The following MAGI1 variants were observed in gnomAD, a reference collection of about 807,000 sequenced individuals.
MAGI1 encodes the protein membrane associated guanylate kinase, WW and PDZ domain containing 1.
MAGI1 carries 58 observed loss-of-function variants against 139.9 expected under a neutral mutation model. The observed-to-expected ratio is 0.41, with a 90% CI of 0.34 to 0.52. The LOEUF (loss-of-function observed/expected upper bound fraction) is 0.52, where lower values mean the gene tolerates loss of function less well. MAGI1 is among the 20% of genes least tolerant of loss of function. The pLI is 0.12. For synonymous variants in MAGI1, 812 were observed against 737.9 expected (o/e 1.10, Z -1.63); for missense variants, 1,874 against 1,901.6 (o/e 0.99, Z 0.27).
chr3:65,595,437 G>A (rs1245638288), intron 2 of MAGI1, among the ~76,000 whole-genome samples: 1 of 152,174 alleles, frequency 6.6e-6, no homozygotes. Flanking sequence ...ACTCAGGGTT[G>A]GTAGTTCCAG....
At chr3:65,845,348 A>C (rs140093671) in intron 1 of MAGI1, among the ~76,000 whole-genome samples, 385 of 152,222 alleles carry the variant, frequency 2.5e-3, no homozygotes, top group African/African-American at 8.8e-3. Context: ...GGGCCCCTGG[A>C]GTAACGCTGA....
intron 2 of MAGI1, among the ~76,000 whole-genome samples, chr3:65,517,498 C>A (rs1335650478): frequency 1.3e-5 from 2 of 152,226 alleles, no homozygotes; most frequent in African/African-American, 2.4e-5. Context: ...TAGGAGTCTA[C>A]AAACTGTATT....
intron 1 of MAGI1, among the ~76,000 whole-genome samples, chr3:65,659,941 A>G (rs1374580721): frequency 6.6e-6 from 1 of 152,198 alleles, no homozygotes; most frequent in Non-Finnish European, 1.5e-5. Flanking sequence ...AATCAAGATC[A>G]TAGTTTATGA....
At chr3:65,799,203 T>C (rs914962952) in intron 1 of MAGI1, among the ~76,000 whole-genome samples, 3 of 152,206 alleles carry the variant, frequency 2.0e-5, no homozygotes, top group African/African-American at 7.2e-5. Context: ...TCGTGCTACT[T>C]TTCTGTTGCA....
intron 1 of MAGI1, among the ~76,000 whole-genome samples, chr3:65,694,918 C>G (rs1429270568): frequency 6.6e-6 from 1 of 152,128 alleles, no homozygotes; most frequent in Non-Finnish European, 1.5e-5. Context: ...TACTGAATTA[C>G]TTTTTTTGTG....
At position 65,652,836 on chromosome 3, in the gene MAGI1, C is replaced by T. The variant is rs559665376; in HGVS notation, c.314-30748G>A. On this transcript the variant is annotated intron_variant, in intron 1 of 22. Coordinates refer to ENST00000402939, the MANE Select transcript of MAGI1 (RefSeq NM_001033057.2). ...TTTTCAAGAGACTAAAGATGTAATT[C>T]GGAAGGCTGACACCAATGACCGGAA... is the stretch of plus-strand genomic sequence containing the variant. Among the ~76,000 whole-genome samples, 20 of 152,232 alleles carry T rather than the reference C, an allele frequency of 1.3e-4. No individual in the cohort carries two copies. In the East Asian group the frequency reaches 3.3e-3, roughly 25 times the overall value.
intron 1 of MAGI1, among the ~76,000 whole-genome samples, chr3:65,661,354 A>C (rs566663547): frequency 2.6e-5 from 4 of 152,242 alleles, no homozygotes; most frequent in Admixed American, 6.5e-5. Context: ...CTTATTAAAC[A>C]CACAAGTCAT....
At chr3:65,854,242 G>A (rs1490006494) in intron 1 of MAGI1, among the ~76,000 whole-genome samples, 2 of 150,442 alleles carry the variant, frequency 1.3e-5, no homozygotes, top group South Asian at 4.2e-4. Flanking sequence ...GAGGCCAGGC[G>A]TTTCAGAAGA....
At chr3:65,635,198 G>A (rs2084541559) in intron 1 of MAGI1, among the ~76,000 whole-genome samples, 1 of 152,024 alleles carries the variant, frequency 6.6e-6, no homozygotes, top group African/African-American at 2.4e-5. Context: ...CCGAGTAGCT[G>A]GAACTACAGG....
At chr3:65,700,030 C>G (rs1359123647) in intron 1 of MAGI1, among the ~76,000 whole-genome samples, 5 of 152,050 alleles carry the variant, frequency 3.3e-5, no homozygotes, top group Non-Finnish European at 7.4e-5. Context: ...GAAAACTACT[C>G]CCCTAAAGAA....
At chr3:65,545,733 T>C (rs2079463091) in intron 2 of MAGI1, among the ~76,000 whole-genome samples, 1 of 152,054 alleles carries the variant, frequency 6.6e-6, no homozygotes, top group Non-Finnish European at 1.5e-5. Flanking sequence ...GGCAGGATGA[T>C]GCACCATTTA....
At chr3:65,818,982 T>C (rs1032049051) in intron 1 of MAGI1, among the ~76,000 whole-genome samples, 5 of 152,218 alleles carry the variant, frequency 3.3e-5, no homozygotes, top group African/African-American at 1.2e-4. Context: ...AATTCTATCA[T>C]GCTTTATTAA....
Position 65,591,411 on chromosome 3 carries a change from CT to C in MAGI1, c.430+30560del, listed in dbSNP as rs573016859. On this transcript the variant is annotated intron_variant, in intron 2 of 22. Transcript: ENST00000402939. ...TCTACTCTCAAAATATATATAACCA[CT>C]TTGTACACCTCCACTACCATTACTC... Among the ~76,000 whole-genome samples, 22 of 152,284 alleles carry C rather than the reference CT, an allele frequency of 1.4e-4. No individual in the cohort carries two copies. In the South Asian group the frequency reaches 4.4e-3, roughly 30 times the overall value.
At chr3:65,662,554 ATGTT>A (rs1012104525) in intron 1 of MAGI1, among the ~76,000 whole-genome samples, 2 of 152,162 alleles carry the variant, frequency 1.3e-5, no homozygotes, top group African/African-American at 4.8e-5. Flanking sequence ...TATGACAGAT[ATGTT>A]TGTTTGTTTG....
intron 1 of MAGI1, among the ~76,000 whole-genome samples, chr3:65,937,252 GA>G (rs2063108493): frequency 6.6e-6 from 1 of 150,600 alleles, no homozygotes; most frequent in South Asian, 2.1e-4. Flanking sequence ...CAAACACCTT[GA>G]AAACTCTTGC....
chr3:65,706,666 A>T (rs954027677), intron 1 of MAGI1, among the ~76,000 whole-genome samples: 1 of 152,110 alleles, frequency 6.6e-6, no homozygotes, highest in Non-Finnish European at 1.5e-5. Flanking sequence ...GAAGGGAAAG[A>T]GATGTGGAGG....
rs575239465 is a variant in MAGI1, at chr3:65,539,298, A to C, written c.431-45667T>G. On this transcript the variant is annotated intron_variant, in intron 2 of 22. Coordinates refer to ENST00000402939, the MANE Select transcript of MAGI1 (RefSeq NM_001033057.2). Reference sequence around the variant, plus strand: ...ATACCAACTACCATCAAACAGAAACAAATACCAGCTACTGTCAACCAGAAA... The same window carrying C: ...ATACCAACTACCATCAAACAGAAACCAATACCAGCTACTGTCAACCAGAAA... 2.6e-5 allele frequency among the ~76,000 whole-genome samples: 4 copies of C among 152,148 alleles called. No homozygotes were observed. The East Asian group carries it at 7.8e-4, about 30-fold the overall frequency.
At chr3:65,708,653 A>C (rs1045017295) in intron 1 of MAGI1, among the ~76,000 whole-genome samples, 10 of 152,206 alleles carry the variant, frequency 6.6e-5, no homozygotes, top group African/African-American at 2.2e-4. Context: ...GAAGGGAGGG[A>C]AGAAGAGGAG....
chr3:65,633,702 C>G (rs1286488974), intron 1 of MAGI1, among the ~76,000 whole-genome samples: 1 of 151,998 alleles, frequency 6.6e-6, no homozygotes, highest in Admixed American at 6.6e-5. Context: ...TGTATTTATT[C>G]CAGTTACACT....
Sources: gnomAD v4.1 joint callset for allele counts (sites outside exome capture counted in the v4.1 genomes callset) on GRCh38, gnomAD v4.1.1 for gene constraint, MANE v1.5 for transcripts, NCBI Gene and HGNC (gene_info 2026-07-23, HGNC 2026-07-21) for gene names.